DLG2: variants seen among roughly 807,000 people sequenced by gnomAD.
DLG2 encodes the protein disks large homolog 2.
DLG2 carries 45 observed loss-of-function variants against 132.5 expected under a neutral mutation model. The ratio of observed to expected loss-of-function variants is 0.34; its 90% CI spans 0.27 to 0.44. DLG2 has a LOEUF of 0.44. Ranked by LOEUF, DLG2 falls within the 20% of genes least tolerant of loss-of-function variation. DLG2 has a pLI of 1.00. For synonymous variants in DLG2, 424 were observed against 419.6 expected (o/e 1.01, Z -0.13); for missense variants, 1,045 against 1,196.9 (o/e 0.87, Z 1.87).
rs533805211 is a variant in DLG2 at position 85,173,003 on chromosome 11, A to T, written c.187-18352T>A. On this transcript the variant is annotated intron_variant, in intron 4 of 27. Transcript: ENST00000376104. ...GACCAAACCTATGAATGATTGGGGTACCTGAAAGAGACAAGGAGAATGGAA... is the reference window on the plus strand; with the variant it reads ...GACCAAACCTATGAATGATTGGGGTTCCTGAAAGAGACAAGGAGAATGGAA... Among the ~76,000 whole-genome samples the T allele has an allele frequency of 3.9e-5, 6 of 152,320 alleles. No homozygotes were observed. In the East Asian group the frequency reaches 1.2e-3, roughly 29 times the overall value.
intron 6 of DLG2, among the ~76,000 whole-genome samples, chr11:84,845,028 C>T (rs1398774870): frequency 6.6e-6 from 1 of 151,964 alleles, no homozygotes; most frequent in African/African-American, 2.4e-5. Context: ...TTTATTATTC[C>T]AATCATAGAG....
chr11:84,069,759 C>T (rs1462939309), intron 10 of DLG2, among the ~76,000 whole-genome samples: 1 of 152,226 alleles, frequency 6.6e-6, no homozygotes, highest in Non-Finnish European at 1.5e-5. Flanking sequence ...ATTTCAGCAT[C>T]AGTGATTGGT....
At chr11:83,742,186 G>C (rs2092570267) in intron 18 of DLG2, among the ~76,000 whole-genome samples, 1 of 147,926 alleles carries the variant, frequency 6.8e-6, no homozygotes, top group South Asian at 2.1e-4. Flanking sequence ...AATTTGCTAA[G>C]AGAGTAAATT....
At chr11:84,311,547 A>T (rs1213963128) in intron 7 of DLG2, among the ~76,000 whole-genome samples, 1 of 152,216 alleles carries the variant, frequency 6.6e-6, no homozygotes, top group Non-Finnish European at 1.5e-5. Context: ...GCTTCCCAAT[A>T]ATTAATAAGT....
At chr11:83,734,596 A>G (rs1417475237) in intron 18 of DLG2, among the ~76,000 whole-genome samples, 1 of 151,982 alleles carries the variant, frequency 6.6e-6, no homozygotes, top group Non-Finnish European at 1.5e-5. Context: ...GACTACAGGC[A>G]CAGGCTACAA....
intron 2 of DLG2, among the ~76,000 whole-genome samples, chr11:85,617,651 A>G (rs1436762747): frequency 6.6e-6 from 1 of 152,242 alleles, no homozygotes; most frequent in Non-Finnish European, 1.5e-5. Flanking sequence ...TTAAATATAT[A>G]CACCAGTTTA....
chr11:85,036,530 C>T (rs2061448654), intron 6 of DLG2, among the ~76,000 whole-genome samples: 1 of 152,066 alleles, frequency 6.6e-6, no homozygotes, highest in Non-Finnish European at 1.5e-5. Context: ...TCAAGTAAGA[C>T]TACATGTAGA....
intron 19 of DLG2, among the ~76,000 whole-genome samples, chr11:83,606,946 G>GA (rs560943266): frequency 1.3e-5 from 2 of 151,592 alleles, no homozygotes; most frequent in African/African-American, 2.4e-5. Context: ...AAAAGAAAAA[G>GA]AAAAAAAAAT....
intron 6 of DLG2, among the ~76,000 whole-genome samples, chr11:84,599,253 A>G (rs962957671): frequency 1.3e-5 from 2 of 152,118 alleles, no homozygotes; most frequent in Non-Finnish European, 2.9e-5. Context: ...TCAAATGATA[A>G]TAATAATAAT....
intron 7 of DLG2, among the ~76,000 whole-genome samples, chr11:84,298,294 T>C (rs1485358963): frequency 6.6e-6 from 1 of 152,204 alleles, no homozygotes; most frequent in Non-Finnish European, 1.5e-5. Flanking sequence ...CAATGACTTT[T>C]GCATACCTTG....
chr11:84,797,068 C>T (rs372486494), intron 6 of DLG2, among the ~76,000 whole-genome samples: 8 of 151,988 alleles, frequency 5.3e-5, no homozygotes, highest in African/African-American at 1.9e-4. Flanking sequence ...GCTGGTCTAG[C>T]ACTCCTGACC....
At chr11:84,411,731 T>C (rs2098905837) in intron 7 of DLG2, among the ~76,000 whole-genome samples, 1 of 152,208 alleles carries the variant, frequency 6.6e-6, no homozygotes, top group Non-Finnish European at 1.5e-5. Flanking sequence ...GCAACTATAG[T>C]ATCATAGTAT....
intron 19 of DLG2, among the ~76,000 whole-genome samples, chr11:83,611,665 C>G (rs2060127844): frequency 6.6e-6 from 1 of 152,182 alleles, no homozygotes; most frequent in Non-Finnish European, 1.5e-5. Context: ...TATAGAAATT[C>G]ACTGAATGGT....
intron 7 of DLG2, among the ~76,000 whole-genome samples, chr11:84,269,223 C>T (rs979186521): frequency 6.6e-6 from 1 of 152,166 alleles, no homozygotes; most frequent in African/African-American, 2.4e-5. Context: ...GTAAATACCC[C>T]CAGGGCAAGG....
At chr11:85,334,463 CCTT>C (rs1365435188) in intron 3 of DLG2, among the ~76,000 whole-genome samples, 2 of 151,968 alleles carry the variant, frequency 1.3e-5, no homozygotes, top group Admixed American at 1.3e-4. Context: ...TTTCTCTTCT[CCTT>C]CTAGCTTTAG....
chr11:85,492,998 C>T (rs2093596323), intron 3 of DLG2, among the ~76,000 whole-genome samples: 1 of 151,858 alleles, frequency 6.6e-6, no homozygotes, highest in Admixed American at 6.6e-5. Flanking sequence ...GTATCATACT[C>T]CAAGCTATAA....
intron 6 of DLG2, among the ~76,000 whole-genome samples, chr11:84,759,697 A>G (rs2067345894): frequency 6.6e-6 from 1 of 152,174 alleles, no homozygotes; most frequent in Non-Finnish European, 1.5e-5. Flanking sequence ...CCTTTTTTCA[A>G]AAGTGTTAGG....
At chr11:85,178,446 G>A (rs1247065719) in intron 4 of DLG2, among the ~76,000 whole-genome samples, 2 of 151,764 alleles carry the variant, frequency 1.3e-5, no homozygotes, top group African/African-American at 4.8e-5. Context: ...GTTTTTAAAA[G>A]AAAGCTACAG....
intron 21 of DLG2, among the ~76,000 whole-genome samples, chr11:83,510,833 T>TTTG (rs1168724526): frequency 7.1e-6 from 1 of 141,176 alleles, no homozygotes; most frequent in African/African-American, 2.7e-5. Flanking sequence ...ACCATCCGTT[T>TTTG]TTTTTTTTTT....
Sources: gnomAD v4.1 joint callset for allele counts (sites outside exome capture counted in the v4.1 genomes callset) on GRCh38, gnomAD v4.1.1 for gene constraint, MANE v1.5 for transcripts, NCBI Gene and HGNC (gene_info 2026-07-23, HGNC 2026-07-21) for gene names.